RSPRY1: variants seen among roughly 807,000 people sequenced by gnomAD.
The protein encoded by RSPRY1 is ring finger and SPRY domain containing 1, also known as RING finger and SPRY domain-containing protein 1.
In RSPRY1, 23 loss-of-function variants were observed where a neutral mutation model predicts 73.1. That is an observed-to-expected ratio of 0.31 (90% confidence interval 0.23 to 0.45). RSPRY1 has a LOEUF of 0.45. Among genes scored for constraint, RSPRY1 ranks in the 20% least tolerant of loss-of-function variants. The pLI is 1.00. For synonymous variants in RSPRY1, 226 were observed against 251.4 expected (o/e 0.90, Z 0.95); for missense variants, 448 against 698.7 (o/e 0.64, Z 4.05).
chr16:57,216,772 A>T, intron 7 of RSPRY1, 132 bp from the exon 8 acceptor site: 1 of 851,122 alleles, frequency 1.2e-6, no homozygotes, highest in Non-Finnish European at 1.9e-6. Context: ...TTTTCCCTAG[A>T]AATTTTAATT....
intron 1 of RSPRY1, among the ~76,000 whole-genome samples, chr16:57,199,010 C>G (rs2074506053): frequency 6.6e-6 from 1 of 152,162 alleles, no homozygotes; most frequent in Non-Finnish European, 1.5e-5. Flanking sequence ...TTCTACCATC[C>G]CCAAAGTGTT....
chr16:57,228,354 G>T (rs573731238), intron 11 of RSPRY1, among the ~76,000 whole-genome samples: 14 of 149,260 alleles, frequency 9.4e-5, no homozygotes, highest in African/African-American at 3.2e-4. Context: ...AATTGGTGGT[G>T]TGGGAAAAAA....
At chr16:57,212,191 G>A (rs1351610126) in intron 4 of RSPRY1, among the ~76,000 whole-genome samples, 1 of 152,118 alleles carries the variant, frequency 6.6e-6, no homozygotes, top group East Asian at 1.9e-4. Flanking sequence ...TGTGCCGGTA[G>A]TCCCAGCTAC....
Position 57,230,907 on chromosome 16 carries a change from T to C in RSPRY1, c.1376+94T>C, listed in dbSNP as rs75637899. ...AGTCTTTGTCCATTTATATATGCAA[T>C]TGTGATGAGAAATTGATTAATTTCA... On this transcript the variant is annotated intron_variant, in intron 12 of 14. Transcript: ENST00000394420. 1.4e-3 allele frequency: 1,064 copies of C among 771,902 alleles called. 9 individuals are homozygous for C. The African/African-American group carries it at 0.017, about 12-fold the overall frequency. 47.8% of individuals were successfully genotyped at this position (771,902 alleles called of 1,614,324 possible).
chr16:57,197,654 A>G (rs749630529), intron 1 of RSPRY1, among the ~76,000 whole-genome samples: 1 of 152,116 alleles, frequency 6.6e-6, no homozygotes, highest in Non-Finnish European at 1.5e-5. Flanking sequence ...CTTTAGTTCA[A>G]TTTGGAAAAA....
chr16:57,227,881 A>T (rs746857986), intron 11 of RSPRY1, among the ~76,000 whole-genome samples: 1 of 152,208 alleles, frequency 6.6e-6, no homozygotes, highest in Non-Finnish European at 1.5e-5. Context: ...ATGGTAGAGG[A>T]TATAACCTCT....
chr16:57,212,789 ATTC>A (rs1451552421), intron 4 of RSPRY1, among the ~76,000 whole-genome samples, 180 bp from the exon 5 acceptor site: 3 of 151,924 alleles, frequency 2.0e-5, no homozygotes, highest in African/African-American at 7.3e-5. Flanking sequence ...TAATTTTTGT[ATTC>A]TTAGTAGAGA....
chr16:57,216,443 T>G, intron 7 of RSPRY1: 1 of 420,306 alleles, frequency 2.4e-6, no homozygotes, highest in South Asian at 3.5e-5. Context: ...TAGAAAAAAG[T>G]ATGGTGGCTC....
At chr16:57,193,023 T>G (rs1567481368) in intron 1 of RSPRY1, among the ~76,000 whole-genome samples, 1 of 152,130 alleles carries the variant, frequency 6.6e-6, no homozygotes, top group Non-Finnish European at 1.5e-5. Context: ...GCTCAGATAG[T>G]CTTTCAACCA....
At chr16:57,197,161 T>A (rs572633945) in intron 1 of RSPRY1, among the ~76,000 whole-genome samples, 51 of 152,136 alleles carry the variant, frequency 3.4e-4, no homozygotes, top group Non-Finnish European at 6.5e-4. Flanking sequence ...AAAAATTGTC[T>A]AAAGTGTAAT....
intron 14 of RSPRY1, 79 bp downstream of exon 14, chr16:57,235,307 T>C (rs2075284579): frequency 2.0e-6 from 2 of 1,015,602 alleles, no homozygotes; most frequent in South Asian, 2.7e-5. Flanking sequence ...GGGTTTATTG[T>C]ATCTAAAGCA....
intron 1 of RSPRY1, among the ~76,000 whole-genome samples, chr16:57,187,367 T>C (rs1320182434): frequency 6.6e-6 from 1 of 152,198 alleles, no homozygotes; most frequent in Non-Finnish European, 1.5e-5. Flanking sequence ...TCCGAGGTCC[T>C]GTCTTGTATA....
intron 1 of RSPRY1, among the ~76,000 whole-genome samples, chr16:57,200,638 C>A (rs57449156): frequency 5.6e-4 from 5 of 8,880 alleles, no homozygotes; most frequent in Non-Finnish European, 5.8e-4. Context: ...ACCTCCCGGA[C>A]GGGGCGGCTG....
chr16:57,230,766 A>G lies in RSPRY1; in HGVS notation c.1329A>G (p.Leu443=). The change falls in exon 12 of 15, where the codon TTA becomes TTG. Residue 443 remains leucine, a synonymous_variant. Coordinates refer to ENST00000394420, the MANE Select transcript of RSPRY1 (RefSeq NM_133368.3). ...ATGAAAAGCAAATGATCTTCTTTTT[A>G]AATGGCAACCAGCTGCCTCCTGAAA... is the stretch of plus-strand genomic sequence containing the variant. ...DLNEKQMIFF[L]NGNQLPPEKQ... 1 of 1,612,290 alleles carries G rather than the reference A, an allele frequency of 6.2e-7. No homozygotes were observed. The highest frequency in any genetic ancestry group is 8.5e-7 in the Non-Finnish European group (1 of 1,178,994).
chr16:57,208,402 T>TA (rs2074771214), intron 3 of RSPRY1, among the ~76,000 whole-genome samples: 2 of 132,364 alleles, frequency 1.5e-5, no homozygotes, highest in African/African-American at 5.8e-5. Flanking sequence ...ATATATATAT[T>TA]TTTTTTTTTT....
intron 1 of RSPRY1, among the ~76,000 whole-genome samples, chr16:57,190,799 G>A (rs1248002253): frequency 6.6e-6 from 1 of 152,164 alleles, no homozygotes; most frequent in Non-Finnish European, 1.5e-5. Flanking sequence ...ACATACAAAT[G>A]TGTCCATTCC....
chr16:57,238,235 A>C (rs2075329479), intron 14 of RSPRY1, among the ~76,000 whole-genome samples: 1 of 152,210 alleles, frequency 6.6e-6, no homozygotes, highest in Non-Finnish European at 1.5e-5. Flanking sequence ...TCAGTATTGT[A>C]AAGGTGACAG....
At chr16:57,231,052 T>C in intron 12 of RSPRY1, 115 bp from the exon 13 acceptor site, 1 of 960,058 alleles carries the variant, frequency 1.0e-6, no homozygotes. Flanking sequence ...CTGTCACTCT[T>C]CCTTTCTGCC....
At chr16:57,213,477 G>A (rs961899115) in intron 5 of RSPRY1, among the ~76,000 whole-genome samples, 24 of 152,242 alleles carry the variant, frequency 1.6e-4, no homozygotes, top group Admixed American at 5.2e-4. Flanking sequence ...GACATACAAG[G>A]TAGAGGGAGA....
Sources: gnomAD v4.1 joint callset for allele counts (sites outside exome capture counted in the v4.1 genomes callset) on GRCh38, gnomAD v4.1.1 for gene constraint, MANE v1.5 for transcripts, NCBI Gene and HGNC (gene_info 2026-07-23, HGNC 2026-07-21) for gene names.